Variants in ZBTB26 observed in about 807,000 individuals in gnomAD.
The protein encoded by ZBTB26 is zinc finger and BTB domain containing 26, also known as zinc finger and BTB domain-containing protein 26.
Under a neutral mutation model 31.6 loss-of-function variants are expected in ZBTB26, and 12 were observed. That is an observed-to-expected ratio of 0.38 (90% confidence interval 0.24 to 0.61). ZBTB26 has a LOEUF of 0.61. Among genes scored for constraint, ZBTB26 ranks in the 20% least tolerant of loss-of-function variants. ZBTB26 has a pLI of 0.60. For synonymous variants in ZBTB26, 155 were observed against 182.9 expected (o/e 0.85, Z 1.23); for missense variants, 311 against 521.9 (o/e 0.60, Z 3.94).
At chr9:122,925,069 T>C (rs1361769408) in intron 1 of ZBTB26, among the ~76,000 whole-genome samples, 1 of 152,200 alleles carries the variant, frequency 6.6e-6, no homozygotes, top group East Asian at 1.9e-4. Context: ...GGTATAGATG[T>C]TATACCTAAA....
intron 1 of ZBTB26, among the ~76,000 whole-genome samples, chr9:122,928,644 T>C (rs1833221028): frequency 6.6e-6 from 1 of 152,232 alleles, no homozygotes; most frequent in African/African-American, 2.4e-5. Context: ...TCAAAAAGCC[T>C]GTCTTCTGTT....
In ZBTB26 at chr9:122,915,675, A is replaced by G. The variant is rs1396122053; in HGVS notation, c.*2934T>C. 6.6e-6 allele frequency: 1 copy of G among 152,250 alleles called. No individual in the cohort carries two copies. The highest frequency in any genetic ancestry group is 1.9e-4 in the East Asian group (1 of 5,204). 9.4% of individuals were successfully genotyped at this position (152,250 alleles called of 1,614,324 possible). A position where few individuals can be genotyped will look rare whatever the true frequency, so the allele number is the denominator to read the frequency against. ...AGAACAGCTATTCATGAGCTGAAAT[A>G]AAATCTTCTGGGTTGTTTAGGACAG... is the stretch of plus-strand genomic sequence containing the variant. On this transcript the variant is annotated 3_prime_UTR_variant, in exon 2 of 2. Coordinates refer to ENST00000373656, the MANE Select transcript of ZBTB26 (RefSeq NM_020924.4).
chr9:122,919,613 T>G lies in ZBTB26; in HGVS notation c.322A>C (p.Ser108Arg), dbSNP rs765818600. 6.2e-7 allele frequency: 1 copy of G among 1,614,172 alleles called. No individual in the cohort carries two copies. The highest frequency in any genetic ancestry group is 1.1e-5 in the South Asian group (1 of 91,078). Reference sequence around the variant, plus strand: ...ACAATGTGGCTCATCTGAAGAAAACTTGCAGCAGTCAAGTAATTTACCAGT... The same window carrying G: ...ACAATGTGGCTCATCTGAAGAAAACGTGCAGCAGTCAAGTAATTTACCAGT... ...MELVNYLTAA[S>R]FLQMSHIVER... is the part of the protein sequence containing the mutation. Residue 108 changes from serine (S) to arginine (R), a missense_variant, in exon 2 of 2, where the codon AGT (serine) becomes CGT (arginine). By Grantham distance (110) the Ser-to-Arg change is moderately radical. Coordinates refer to ENST00000373656, the MANE Select transcript of ZBTB26 (RefSeq NM_020924.4). This position sits in a 1 kb window ranked among gnomAD's most constrained non-coding sequence, Gnocchi z 6.1.
intron 1 of ZBTB26, among the ~76,000 whole-genome samples, chr9:122,925,982 A>G (rs1205497999): frequency 6.6e-6 from 1 of 151,382 alleles, no homozygotes; most frequent in African/African-American, 2.4e-5. Flanking sequence ...CTGGTCTCGA[A>G]CTCCCGACCC....
chr9:122,926,573 A>G (rs1370469317), intron 1 of ZBTB26, among the ~76,000 whole-genome samples: 1 of 152,092 alleles, frequency 6.6e-6, no homozygotes, highest in Admixed American at 6.6e-5. Flanking sequence ...TATCACAAAC[A>G]CAGGCCAAGA....
chr9:122,917,531 G>A lies in ZBTB26; in HGVS notation c.*1078C>T, dbSNP rs1414278619. 2 of 150,930 alleles carry A rather than the reference G, an allele frequency of 1.3e-5. No individual in the cohort carries two copies. Among genetic ancestry groups the A allele is most frequent in the Non-Finnish European group, 3.0e-5 (2 of 67,042 alleles). 9.3% of individuals were successfully genotyped at this position (150,930 alleles called of 1,614,324 possible). On this transcript the variant is annotated 3_prime_UTR_variant, in exon 2 of 2. Transcript: ENST00000373656. Reference sequence around the variant, plus strand: ...TTGTATTTGCAATCAAAGGCAGCAAGGTGGCACAGTGTACCTTTAAGAGGT... The same window carrying A: ...TTGTATTTGCAATCAAAGGCAGCAAAGTGGCACAGTGTACCTTTAAGAGGT...
chr9:122,929,694 G>A (rs1833236368), intron 1 of ZBTB26, among the ~76,000 whole-genome samples: 1 of 152,160 alleles, frequency 6.6e-6, no homozygotes, highest in Admixed American at 6.5e-5. Flanking sequence ...TGCTTTAAAT[G>A]TGTCCTATCC....
Position 122,919,590 on chromosome 9 carries a change from A to G in ZBTB26, c.345T>C (p.Ile115=). The G allele has an allele frequency of 6.2e-7, 1 of 1,614,206 alleles. No homozygotes were observed. The highest frequency in any genetic ancestry group is 8.5e-7 in the Non-Finnish European group (1 of 1,180,026). The change falls in exon 2 of 2, where the codon ATT becomes ATC. Residue 115 remains isoleucine, a synonymous_variant. Coordinates refer to ENST00000373656, the MANE Select transcript of ZBTB26 (RefSeq NM_020924.4). The surrounding 1 kb of genome is among the most constrained non-coding windows in gnomAD (Gnocchi z 6.1). The part of the protein sequence containing the change: ...TAASFLQMSH[I]VERCTQALWK... ...ACAGGGCCTGTGTGCACCGTTCTAC[A>G]ATGTGGCTCATCTGAAGAAAACTTG...
chr9:122,922,838 T>C (rs1023169741), intron 1 of ZBTB26, among the ~76,000 whole-genome samples: 1 of 152,108 alleles, frequency 6.6e-6, no homozygotes, highest in Non-Finnish European at 1.5e-5. Context: ...AGAGAATGAA[T>C]AAAAGGAATG....
chr9:122,926,788 A>C (rs1446975613), intron 1 of ZBTB26, among the ~76,000 whole-genome samples: 7 of 152,174 alleles, frequency 4.6e-5, no homozygotes. Context: ...CATCTATTTT[A>C]CTTTATATTA....
intron 1 of ZBTB26, among the ~76,000 whole-genome samples, chr9:122,922,822 G>A (rs1203247491): frequency 6.6e-6 from 1 of 152,152 alleles, no homozygotes; most frequent in Non-Finnish European, 1.5e-5. Context: ...GTAACTGACT[G>A]GATATAGAGA....
intron 1 of ZBTB26, among the ~76,000 whole-genome samples, chr9:122,928,645 G>C (rs1430557030): frequency 1.3e-5 from 2 of 152,044 alleles, no homozygotes; most frequent in African/African-American, 4.8e-5. Context: ...CAAAAAGCCT[G>C]TCTTCTGTTT....
chr9:122,926,441 A>C (rs191969874), intron 1 of ZBTB26, among the ~76,000 whole-genome samples: 138 of 149,350 alleles, frequency 9.2e-4, no homozygotes, highest in African/African-American at 3.3e-3. Flanking sequence ...CGGGAGGTGG[A>C]GCTTGCAGTG....
chr9:122,925,809 C>T (rs1366990560), intron 1 of ZBTB26, among the ~76,000 whole-genome samples: 1 of 123,358 alleles, frequency 8.1e-6, no homozygotes, highest in African/African-American at 3.2e-5. Flanking sequence ...TCACTCTTGT[C>T]ACCCAGGCTG....
At chr9:122,929,397 T>A (rs1237187381) in intron 1 of ZBTB26, among the ~76,000 whole-genome samples, 4 of 152,222 alleles carry the variant, frequency 2.6e-5, no homozygotes, top group Non-Finnish European at 5.9e-5. Context: ...TGCTTAAATG[T>A]TTCCCACTCC....
chr9:122,925,175 T>C (rs146552778), intron 1 of ZBTB26, among the ~76,000 whole-genome samples: 2,419 of 151,970 alleles, frequency 0.016, 34 homozygotes, highest in South Asian at 0.066. Context: ...GACTTTGAGA[T>C]CAGCCTGGCC....
intron 1 of ZBTB26, among the ~76,000 whole-genome samples, chr9:122,921,718 G>A (rs1316000638): frequency 6.6e-6 from 1 of 151,874 alleles, no homozygotes; most frequent in African/African-American, 2.4e-5. Flanking sequence ...GATCACCTGA[G>A]GTCGGGAGTT....
chr9:122,920,694 T>A (rs1489882149), intron 1 of ZBTB26, among the ~76,000 whole-genome samples: 1 of 152,200 alleles, frequency 6.6e-6, no homozygotes, highest in African/African-American at 2.4e-5. Context: ...CTAAACTCCG[T>A]TTTAAGGAAC....
intron 1 of ZBTB26, among the ~76,000 whole-genome samples, chr9:122,928,103 G>A (rs1833211179): frequency 6.6e-6 from 1 of 152,176 alleles, no homozygotes; most frequent in Admixed American, 6.5e-5. Context: ...CCAATGTGCT[G>A]GGATTATAGG....
Sources: gnomAD v4.1 joint callset for allele counts (sites outside exome capture counted in the v4.1 genomes callset) on GRCh38, gnomAD v4.1.1 for gene constraint, Gnocchi (gnomAD v3.1) non-coding constraint, MANE v1.5 for transcripts, NCBI Gene and HGNC (gene_info 2026-07-23, HGNC 2026-07-21) for gene names.